SPTLC2: variants seen among roughly 807,000 people sequenced by gnomAD.
SPTLC2 encodes the protein serine palmitoyltransferase long chain base subunit 2.
Under a neutral mutation model 62.0 loss-of-function variants are expected in SPTLC2, and 21 were observed. That is an observed-to-expected ratio of 0.34 (90% CI 0.24 to 0.49). SPTLC2 has a LOEUF of 0.49. SPTLC2 is among the 20% of genes least tolerant of loss of function. The pLI, the probability that SPTLC2 is intolerant of heterozygous loss-of-function variation, is 0.99. For missense variants in SPTLC2, 511 were observed against 713.0 expected (o/e 0.72, Z 3.23); for synonymous variants, 261 against 261.8 (o/e 1.00, Z 0.03).
intron 4 of SPTLC2, among the ~76,000 whole-genome samples, chr14:77,573,967 C>T (rs935852708): frequency 1.3e-5 from 2 of 152,122 alleles, no homozygotes; most frequent in Admixed American, 6.6e-5. Context: ...GGAAGACAGC[C>T]GTGTGGTGGA....
At chr14:77,530,332 T>G (rs961652134) in intron 9 of SPTLC2, among the ~76,000 whole-genome samples, 5 of 151,912 alleles carry the variant, frequency 3.3e-5, no homozygotes, top group Non-Finnish European at 5.9e-5. Context: ...AAAAAAATAT[T>G]TATTTATTTA....
intron 2 of SPTLC2, among the ~76,000 whole-genome samples, chr14:77,585,521 C>T (rs1215902251): frequency 1.3e-5 from 2 of 152,266 alleles, no homozygotes; most frequent in East Asian, 1.9e-4. Flanking sequence ...CAAACATGAG[C>T]ATTTGAGGCA....
At chr14:77,532,750 C>T (rs899339147) in intron 9 of SPTLC2, among the ~76,000 whole-genome samples, 2 of 151,750 alleles carry the variant, frequency 1.3e-5, no homozygotes, top group African/African-American at 4.8e-5. Flanking sequence ...TGCCACTGCA[C>T]TCCAGCCTGG....
intron 2 of SPTLC2, among the ~76,000 whole-genome samples, chr14:77,590,256 G>T (rs1240705936): frequency 2.0e-5 from 3 of 152,188 alleles, no homozygotes; most frequent in Non-Finnish European, 2.9e-5. Context: ...GAAATTACAG[G>T]TGTGAGCTAA....
intron 1 of SPTLC2, among the ~76,000 whole-genome samples, chr14:77,605,175 G>A (rs2079898850): frequency 1.3e-5 from 2 of 150,898 alleles, no homozygotes; most frequent in South Asian, 4.2e-4. Flanking sequence ...CACCATACCT[G>A]GTTAATTTTT....
chr14:77,583,228 A>C (rs1486613173), intron 2 of SPTLC2, among the ~76,000 whole-genome samples: 1 of 150,584 alleles, frequency 6.6e-6, no homozygotes, highest in African/African-American at 2.4e-5. Flanking sequence ...TAAATAAATA[A>C]ATAAATAAAT....
At chr14:77,537,144 T>C (rs1235798725) in intron 9 of SPTLC2, among the ~76,000 whole-genome samples, 1 of 151,790 alleles carries the variant, frequency 6.6e-6, no homozygotes, top group East Asian at 1.9e-4. Context: ...GCTGATGAAC[T>C]CCTGACCTCG....
chr14:77,533,883 C>T (rs925504831), intron 9 of SPTLC2, among the ~76,000 whole-genome samples: 3 of 152,054 alleles, frequency 2.0e-5, no homozygotes, highest in Non-Finnish European at 2.9e-5. Flanking sequence ...ATGGGCTGGG[C>T]GCAGTGGCTC....
At chr14:77,593,138 T>A (rs569737442) in intron 2 of SPTLC2, among the ~76,000 whole-genome samples, 83 of 151,698 alleles carry the variant, frequency 5.5e-4, no homozygotes, top group East Asian at 5.8e-4. Context: ...AAAAAATAAG[T>A]GAGAATGTGG....
At chr14:77,523,739 A>G (rs1369598709) in intron 9 of SPTLC2, among the ~76,000 whole-genome samples, 1 of 152,196 alleles carries the variant, frequency 6.6e-6, no homozygotes, top group African/African-American at 2.4e-5. Flanking sequence ...CTATCACCTT[A>G]GTAGTGGAGA....
At chr14:77,570,962 G>T (rs546411599) in intron 4 of SPTLC2, among the ~76,000 whole-genome samples, 4 of 152,098 alleles carry the variant, frequency 2.6e-5, no homozygotes, top group Non-Finnish European at 4.4e-5. Context: ...TAAGGAGAGG[G>T]GGAGACAGAG....
intron 9 of SPTLC2, among the ~76,000 whole-genome samples, chr14:77,548,927 T>C (rs999935644): frequency 2.0e-5 from 3 of 152,194 alleles, no homozygotes; most frequent in African/African-American, 7.2e-5. Context: ...CAACCACATA[T>C]ACATGTTTAA....
At chr14:77,574,596 T>A (rs1430664155) in intron 4 of SPTLC2, among the ~76,000 whole-genome samples, 3 of 152,108 alleles carry the variant, frequency 2.0e-5, no homozygotes, top group Non-Finnish European at 4.4e-5. Context: ...ACAACCCAAA[T>A]GACCATCAAG....
intron 1 of SPTLC2, among the ~76,000 whole-genome samples, chr14:77,610,992 CAA>C (rs61504970): frequency 0.1 from 10,989 of 106,634 alleles, 345 homozygotes; most frequent in Middle Eastern, 0.19. Flanking sequence ...CCCATCTCTA[CAA>C]AAAAAAAAAA....
At chr14:77,564,302 G>A (rs28571952) in intron 5 of SPTLC2, among the ~76,000 whole-genome samples, 1 of 137,716 alleles carries the variant, frequency 7.3e-6, no homozygotes, top group South Asian at 2.3e-4. Flanking sequence ...GGAAGAGGAG[G>A]AGAAGGAGGA....
chr14:77,561,445 A>G (rs1003453263), intron 6 of SPTLC2, among the ~76,000 whole-genome samples: 12 of 151,994 alleles, frequency 7.9e-5, no homozygotes, highest in African/African-American at 2.9e-4. Context: ...CTCCGTCCCT[A>G]CTAAAAATAC....
At chr14:77,613,563 T>C (rs918564106) in intron 1 of SPTLC2, among the ~76,000 whole-genome samples, 1 of 152,244 alleles carries the variant, frequency 6.6e-6, no homozygotes, top group African/African-American at 2.4e-5. Context: ...GTTGTTCTTT[T>C]ACTATACACA....
intron 6 of SPTLC2, among the ~76,000 whole-genome samples, chr14:77,559,320 C>CA (rs36058499): frequency 2.0e-5 from 3 of 151,152 alleles, no homozygotes; most frequent in Non-Finnish European, 3.0e-5. Context: ...AAGACTGTTT[C>CA]AAAAAAAAGA....
chr14:77,580,735 AG>A (rs1253939222), intron 2 of SPTLC2, among the ~76,000 whole-genome samples: 1 of 152,060 alleles, frequency 6.6e-6, no homozygotes, highest in Admixed American at 6.5e-5. Context: ...AAAGAAAAGA[AG>A]GCAGGACACA....
Sources: allele counts gnomAD v4.1 joint callset (sites outside exome capture counted in the v4.1 genomes callset), GRCh38; gene constraint gnomAD v4.1.1; transcripts MANE v1.5; gene names NCBI Gene and HGNC (gene_info 2026-07-23, HGNC 2026-07-21).